The following GRIK2 variants were observed in gnomAD, a reference collection of about 807,000 sequenced individuals.
GRIK2 encodes glutamate receptor ionotropic, kainate 2.
A neutral mutation model predicts 100.3 loss-of-function variants in GRIK2; 32 were observed. The ratio of observed to expected loss-of-function variants is 0.32; its 90% CI spans 0.24 to 0.43. GRIK2 has a LOEUF of 0.43. GRIK2 is among the 20% of genes least tolerant of loss of function. The pLI, the probability that GRIK2 is intolerant of heterozygous loss-of-function variation, is 1.00. For missense variants in GRIK2, 843 were observed against 1,114.9 expected (o/e 0.76, Z 3.47); for synonymous variants, 417 against 389.4 (o/e 1.07, Z -0.83).
At chr6:102,009,809 T>G (rs1795426367) in intron 14 of GRIK2, among the ~76,000 whole-genome samples, 1 of 152,106 alleles carries the variant, frequency 6.6e-6, no homozygotes, top group African/African-American at 2.4e-5. Flanking sequence ...TAGAAAATCA[T>G]ATTATTGTGT....
intron 15 of GRIK2, among the ~76,000 whole-genome samples, chr6:102,040,394 A>G (rs1770501511): frequency 1.3e-5 from 2 of 151,688 alleles, no homozygotes; most frequent in East Asian, 3.9e-4. Context: ...AGTACCATTA[A>G]TAATCCTCAA....
At chr6:101,542,846 T>G (rs1776067598) in intron 2 of GRIK2, among the ~76,000 whole-genome samples, 1 of 152,078 alleles carries the variant, frequency 6.6e-6, no homozygotes, top group Non-Finnish European at 1.5e-5. Flanking sequence ...AATTATGCCC[T>G]TTTTTTGTTT....
At chr6:101,824,452 G>A (rs1328167281) in intron 10 of GRIK2, among the ~76,000 whole-genome samples, 2 of 152,026 alleles carry the variant, frequency 1.3e-5, no homozygotes, top group East Asian at 3.8e-4. Context: ...GTTAATATAG[G>A]AAATGCCTAC....
chr6:101,991,164 T>A (rs1794346983), intron 14 of GRIK2, among the ~76,000 whole-genome samples: 1 of 151,788 alleles, frequency 6.6e-6, no homozygotes, highest in African/African-American at 2.4e-5. Flanking sequence ...TGCTAGTGAG[T>A]CTCAATCACA....
At chr6:101,656,822 G>A (rs1368573782) in intron 4 of GRIK2, among the ~76,000 whole-genome samples, 1 of 152,208 alleles carries the variant, frequency 6.6e-6, no homozygotes, top group Non-Finnish European at 1.5e-5. Context: ...GAGGCTTGCA[G>A]AGGAAACCAA....
intron 2 of GRIK2, among the ~76,000 whole-genome samples, chr6:101,460,620 T>G (rs1018070722): frequency 2.0e-5 from 3 of 152,216 alleles, no homozygotes; most frequent in Non-Finnish European, 4.4e-5. Context: ...TTTGAATAGA[T>G]AGATATTTGC....
intron 14 of GRIK2, among the ~76,000 whole-genome samples, chr6:101,954,313 A>T (rs1791779891): frequency 6.6e-6 from 1 of 152,158 alleles, no homozygotes; most frequent in Non-Finnish European, 1.5e-5. Context: ...AAGTATTGTT[A>T]TCTTAACAAT....
chr6:101,463,717 T>G (rs1462945097), intron 2 of GRIK2, among the ~76,000 whole-genome samples: 1 of 152,032 alleles, frequency 6.6e-6, no homozygotes. Context: ...GGCTCTAATA[T>G]CTATCACACA....
At chr6:101,473,684 G>C (rs1425607833) in intron 2 of GRIK2, among the ~76,000 whole-genome samples, 1 of 151,714 alleles carries the variant, frequency 6.6e-6, no homozygotes, top group Non-Finnish European at 1.5e-5. Flanking sequence ...TGGTTTTGCT[G>C]CCAGTTATGG....
chr6:101,409,908 CTTTTCTAAATTATTCAT>C (rs1360458103), intron 2 of GRIK2, among the ~76,000 whole-genome samples: 2 of 151,934 alleles, frequency 1.3e-5, no homozygotes, highest in Admixed American at 1.3e-4. Context: ...AGAAAATCAG[CTTTTCTAAATTATTCAT>C]TAAAAATCTT....
chr6:101,515,175 C>T (rs1774522607), intron 2 of GRIK2, among the ~76,000 whole-genome samples: 1 of 152,070 alleles, frequency 6.6e-6, no homozygotes, highest in African/African-American at 2.4e-5. Context: ...TGACTTACAT[C>T]ACTTAGAATA....
At chr6:101,992,395 T>C (rs1016041562) in intron 14 of GRIK2, among the ~76,000 whole-genome samples, 45 of 151,624 alleles carry the variant, frequency 3.0e-4, no homozygotes, top group African/African-American at 1.1e-3. Flanking sequence ...GGGCATAAGA[T>C]CACCATAAGC....
intron 2 of GRIK2, among the ~76,000 whole-genome samples, chr6:101,588,845 A>T (rs974489573): frequency 3.3e-5 from 5 of 152,074 alleles, no homozygotes; most frequent in South Asian, 4.1e-4. Flanking sequence ...GTATATATTT[A>T]AAAAAAGATC....
intron 2 of GRIK2, among the ~76,000 whole-genome samples, chr6:101,543,800 C>A (rs1776111678): frequency 6.6e-6 from 1 of 152,120 alleles, no homozygotes; most frequent in Admixed American, 6.6e-5. Flanking sequence ...TGGCCCAAAG[C>A]CAATGCTACA....
At chr6:101,463,339 GGTT>G (rs1283027521) in intron 2 of GRIK2, among the ~76,000 whole-genome samples, 1 of 152,034 alleles carries the variant, frequency 6.6e-6, no homozygotes. Flanking sequence ...TGATTGCAAT[GGTT>G]GTTATTATTT....
At chr6:101,703,024 G>A (rs1271044189) in intron 7 of GRIK2, among the ~76,000 whole-genome samples, 1 of 151,774 alleles carries the variant, frequency 6.6e-6, no homozygotes, top group Non-Finnish European at 1.5e-5. Flanking sequence ...GTTTACTAGT[G>A]TATTATTTGA....
chr6:101,479,495 T>A (rs898112338), intron 2 of GRIK2, among the ~76,000 whole-genome samples: 2 of 152,170 alleles, frequency 1.3e-5, no homozygotes, highest in East Asian at 3.9e-4. Context: ...AAACTTTAAT[T>A]TGAAGTCTAT....
At chr6:101,869,283 C>T (rs1308018142) in intron 11 of GRIK2, among the ~76,000 whole-genome samples, 2 of 151,856 alleles carry the variant, frequency 1.3e-5, no homozygotes, top group Non-Finnish European at 2.9e-5. Context: ...AGAAAGTTTT[C>T]ACATCTTTTC....
At chr6:101,565,295 G>A (rs531550551) in intron 2 of GRIK2, among the ~76,000 whole-genome samples, 14 of 151,998 alleles carry the variant, frequency 9.2e-5, no homozygotes, top group Non-Finnish European at 2.1e-4. Context: ...TATCCTAGAA[G>A]CAGAAAATAT....
Sources: gnomAD v4.1 joint callset for allele counts (sites outside exome capture counted in the v4.1 genomes callset) on GRCh38, gnomAD v4.1.1 for gene constraint, MANE v1.5 for transcripts, NCBI Gene and HGNC (gene_info 2026-07-23, HGNC 2026-07-21) for gene names.